Variants in INPP4B observed in about 807,000 individuals in gnomAD.
The protein encoded by INPP4B is inositol polyphosphate-4-phosphatase type II B.
In INPP4B, 55 loss-of-function variants were observed where a neutral mutation model predicts 122.5. That is an observed-to-expected ratio of 0.45 (90% CI 0.36 to 0.56). INPP4B has a LOEUF of 0.56. INPP4B is among the 20% of genes least tolerant of loss of function. INPP4B has a pLI of 0.00. For synonymous variants in INPP4B, 403 were observed against 388.7 expected (o/e 1.04, Z -0.43); for missense variants, 1,000 against 1,097.7 (o/e 0.91, Z 1.26).
intron 7 of INPP4B, among the ~76,000 whole-genome samples, chr4:142,322,886 TCAGTA>T: frequency 6.6e-6 from 1 of 152,252 alleles, no homozygotes; most frequent in South Asian, 2.1e-4. Context: ...GACCCAAGCA[TCAGTA>T]TTTTTAAGGT....
chr4:142,245,350 C>T (rs1727428594), intron 11 of INPP4B, among the ~76,000 whole-genome samples: 1 of 152,054 alleles, frequency 6.6e-6, no homozygotes, highest in Non-Finnish European at 1.5e-5. Context: ...GGTTTTAGGT[C>T]TTATGTTTAA....
At chr4:142,770,904 C>T (rs936688924) in intron 1 of INPP4B, among the ~76,000 whole-genome samples, 7 of 152,216 alleles carry the variant, frequency 4.6e-5, no homozygotes. Context: ...GACAGCAAGG[C>T]AGATTGTCAC....
chr4:142,650,457 G>T (rs1439865217), intron 2 of INPP4B, among the ~76,000 whole-genome samples: 1 of 151,722 alleles, frequency 6.6e-6, no homozygotes, highest in Admixed American at 6.6e-5. Flanking sequence ...TCAGTGTGCT[G>T]TATTCAGGAG....
At chr4:142,183,528 A>G (rs1356710930) in intron 15 of INPP4B, among the ~76,000 whole-genome samples, 3 of 149,180 alleles carry the variant, frequency 2.0e-5, no homozygotes, top group East Asian at 2.0e-4. Context: ...AAAATATAGT[A>G]TATTTTATTT....
chr4:142,605,222 C>T (rs1216001475), intron 2 of INPP4B, among the ~76,000 whole-genome samples: 1 of 151,958 alleles, frequency 6.6e-6, no homozygotes, highest in African/African-American at 2.4e-5. Flanking sequence ...AAAACTGAAA[C>T]TAAATCACTA....
intron 2 of INPP4B, among the ~76,000 whole-genome samples, chr4:142,611,310 G>T (rs115728094): frequency 1.3e-5 from 2 of 152,066 alleles, no homozygotes; most frequent in Admixed American, 6.5e-5. Flanking sequence ...GCCAGGTTCC[G>T]CCTCCAACAC....
chr4:142,688,848 A>G (rs1759742972), intron 2 of INPP4B, among the ~76,000 whole-genome samples: 1 of 152,182 alleles, frequency 6.6e-6, no homozygotes. Flanking sequence ...GTGAAACCTA[A>G]TATCAGTGCT....
At chr4:142,065,002 T>C (rs1278465840) in intron 25 of INPP4B, among the ~76,000 whole-genome samples, 2 of 152,168 alleles carry the variant, frequency 1.3e-5, no homozygotes, top group Non-Finnish European at 2.9e-5. Context: ...TATTTTCAGC[T>C]TGTATTGAAG....
intron 25 of INPP4B, among the ~76,000 whole-genome samples, chr4:142,065,332 A>G (rs1257217394): frequency 6.6e-6 from 1 of 152,096 alleles, no homozygotes; most frequent in Non-Finnish European, 1.5e-5. Context: ...ATTGGCCCTG[A>G]GCTTTTTAGT....
intron 1 of INPP4B, among the ~76,000 whole-genome samples, chr4:142,820,259 C>T (rs895698019): frequency 1.1e-4 from 16 of 152,126 alleles, no homozygotes; most frequent in African/African-American, 3.4e-4. Flanking sequence ...GGGTGGATTC[C>T]CCACGAGTAG....
At chr4:142,843,309 G>T (rs1244501203) in intron 1 of INPP4B, among the ~76,000 whole-genome samples, 1 of 151,656 alleles carries the variant, frequency 6.6e-6, no homozygotes, top group Admixed American at 6.6e-5. Context: ...AAATATTATA[G>T]TATATATGAT....
chr4:142,234,239 T>A (rs1260811321), intron 12 of INPP4B, among the ~76,000 whole-genome samples: 1 of 152,198 alleles, frequency 6.6e-6, no homozygotes, highest in Non-Finnish European at 1.5e-5. Flanking sequence ...CATTTGAACT[T>A]TTTTACACCT....
chr4:142,390,423 A>G (rs1195981184), intron 7 of INPP4B, among the ~76,000 whole-genome samples: 4 of 152,172 alleles, frequency 2.6e-5, no homozygotes, highest in African/African-American at 7.2e-5. Context: ...TGAATGACTT[A>G]TGGTAACCTG....
intron 2 of INPP4B, among the ~76,000 whole-genome samples, chr4:142,556,460 G>A (rs1729201617): frequency 6.6e-6 from 1 of 152,186 alleles, no homozygotes; most frequent in Non-Finnish European, 1.5e-5. Flanking sequence ...AGAAAAGGAA[G>A]TTTGGGGAAA....
chr4:142,115,641 T>C (rs561596555), intron 21 of INPP4B, among the ~76,000 whole-genome samples: 6 of 152,280 alleles, frequency 3.9e-5, no homozygotes, highest in African/African-American at 1.2e-4. Context: ...AGGCCTGCCT[T>C]ACAAGAGCTC....
At chr4:142,750,768 C>T (rs1769566903) in intron 1 of INPP4B, among the ~76,000 whole-genome samples, 1 of 152,070 alleles carries the variant, frequency 6.6e-6, no homozygotes, top group Non-Finnish European at 1.5e-5. Flanking sequence ...GAGTAACTAA[C>T]TCTTAAGTCA....
At chr4:142,660,083 A>C (rs965099982) in intron 2 of INPP4B, among the ~76,000 whole-genome samples, 3 of 152,184 alleles carry the variant, frequency 2.0e-5, no homozygotes, top group Admixed American at 2.0e-4. Context: ...CCACGTTAAT[A>C]TCCATAGCAT....
At chr4:142,258,348 C>G (rs1737628082) in intron 11 of INPP4B, among the ~76,000 whole-genome samples, 1 of 151,148 alleles carries the variant, frequency 6.6e-6, no homozygotes, top group South Asian at 2.1e-4. Context: ...CCAAAATTGA[C>G]AAATGGGATC....
intron 2 of INPP4B, among the ~76,000 whole-genome samples, chr4:142,604,133 A>T (rs958910431): frequency 1.3e-5 from 2 of 152,208 alleles, no homozygotes; most frequent in Non-Finnish European, 2.9e-5. Flanking sequence ...AAATCTTATG[A>T]TCATATCAAT....
Sources: gnomAD v4.1 joint callset for allele counts (sites outside exome capture counted in the v4.1 genomes callset) on GRCh38, gnomAD v4.1.1 for gene constraint, MANE v1.5 for transcripts, NCBI Gene and HGNC (gene_info 2026-07-23, HGNC 2026-07-21) for gene names.